Variants in PITHD1 observed in about 807,000 individuals in gnomAD.
PITHD1 encodes the protein PITH domain containing 1.
Under a neutral mutation model 27.5 loss-of-function variants are expected in PITHD1, and 8 were observed. The ratio of observed to expected loss-of-function variants is 0.29; its 90% CI spans 0.17 to 0.52. PITHD1 has a LOEUF of 0.52. PITHD1 is among the 20% of genes least tolerant of loss of function. The pLI, the probability that PITHD1 is intolerant of heterozygous loss-of-function variation, is 0.96. For missense variants in PITHD1, 233 were observed against 283.9 expected, an observed-to-expected ratio of 0.82 and a Z score of 1.29; for synonymous variants, 118 against 106.8, an observed-to-expected ratio of 1.10 and a Z score of -0.64.
intron 3 of PITHD1, among the ~76,000 whole-genome samples, chr1:23,783,413 A>G (rs1030833281): frequency 7.2e-6 from 1 of 138,280 alleles, no homozygotes; most frequent in Admixed American, 7.6e-5. Context: ...ATATACACAT[A>G]TATATGCGTA....
intron 3 of PITHD1, among the ~76,000 whole-genome samples, chr1:23,781,605 C>CT (rs1377811229): frequency 1.3e-5 from 2 of 152,034 alleles, no homozygotes; most frequent in African/African-American, 4.8e-5. Flanking sequence ...ACCTTTGATG[C>CT]TTTTGGAGAC....
chr1:23,783,350 T>TATATGTGTATATATACAC (rs1638633233), intron 3 of PITHD1, among the ~76,000 whole-genome samples: 1 of 149,224 alleles, frequency 6.7e-6, no homozygotes, highest in African/African-American at 2.5e-5. Flanking sequence ...TATATATACA[T>TATATGTGTATATATACAC]ATATACGCAT....
At chr1:23,784,388 C>T (rs1261776776) in intron 3 of PITHD1, among the ~76,000 whole-genome samples, 1 of 151,794 alleles carries the variant, frequency 6.6e-6, no homozygotes, top group South Asian at 2.1e-4. Context: ...CTACAGGCGC[C>T]TGCCACCACG....
intron 3 of PITHD1, 49 bp downstream of exon 3, chr1:23,779,990 T>A (rs1638572436): frequency 8.7e-7 from 1 of 1,150,054 alleles, no homozygotes; most frequent in Admixed American, 1.7e-5. Flanking sequence ...ATTCTCTTTT[T>A]CTGGTAACAT....
At position 23,788,091 on chromosome 1, in the gene PITHD1, C is replaced by T. The variant is rs764372773; in HGVS notation, c.*715C>T. The T allele has an allele frequency of 6.6e-6, 1 of 152,098 alleles. No individual in the cohort carries two copies. The highest frequency in any genetic ancestry group is 1.5e-5 in the Non-Finnish European group (1 of 68,030). The allele number at this position is 152,098 out of a possible 1,614,324, so 9.4% of individuals were successfully genotyped here. A position where few individuals can be genotyped will look rare whatever the true frequency, so the allele number is the denominator to read the frequency against. ...TAAGATTGAGACTTAGTTAAGATTC[C>T]CCTTGGAAATTCCTTAATGTTTATT... is the stretch of plus-strand genomic sequence containing the variant. On this transcript the variant is annotated 3_prime_UTR_variant, in exon 6 of 6. Transcript: ENST00000246151.
intron 1 of PITHD1, among the ~76,000 whole-genome samples, chr1:23,779,000 C>T (rs1638554919): frequency 6.6e-6 from 1 of 152,110 alleles, no homozygotes; most frequent in Non-Finnish European, 1.5e-5. Context: ...GGCCGTTGGA[C>T]CATTGGTGCT....
At position 23,787,311 on chromosome 1, in the gene PITHD1, G is replaced by C. The variant is rs15778; in HGVS notation, c.571G>C (p.Ala191Pro). 1 of 1,613,736 alleles carries C rather than the reference G, an allele frequency of 6.2e-7. No homozygotes were observed. The highest frequency in any genetic ancestry group is 2.2e-5 in the East Asian group (1 of 44,886). Reference sequence around the variant, plus strand: ...CGAGGTGACCATCTGCAATTACGAAGCATCTGCCAACCCAGCAGACCATAG... The same window carrying C: ...CGAGGTGACCATCTGCAATTACGAACCATCTGCCAACCCAGCAGACCATAG... ...RHEVTICNYE[A>P]SANPADHRVH... The change falls in exon 6 of 6, where the codon GCA becomes CCA. Residue 191 changes from alanine (A) to proline (P), a missense_variant. Coordinates refer to ENST00000246151, the MANE Select transcript of PITHD1 (RefSeq NM_020362.5).
intron 5 of PITHD1, 101 bp from the exon 6 acceptor site, chr1:23,787,174 C>G (rs1305746379): frequency 1.5e-6 from 1 of 684,428 alleles, no homozygotes; most frequent in Admixed American, 2.4e-5. Flanking sequence ...TAAATGATGA[C>G]TCCTAGAAAT....
Position 23,778,558 on chromosome 1 carries a change from G to C in PITHD1, c.43G>C (p.Ala15Pro). The C allele has an allele frequency of 8.9e-6, 12 of 1,340,832 alleles. No homozygotes were observed. The highest frequency in any genetic ancestry group is 1.0e-5 in the Non-Finnish European group (11 of 1,050,556). The allele number at this position is 1,340,832 out of a possible 1,614,324, so 83.1% of individuals were successfully genotyped here. ...CCACGGCGGGGGTGGCTGCCGCTGC[G>C]CCGCCGAACGGGAGGAGCCGCCCGA... ...HSHGGGGCRC[A>P]AEREEPPEQR... The change falls in exon 1 of 6, where the codon GCC becomes CCC. Residue 15 changes from alanine (A) to proline (P), a missense_variant. Physicochemically the swap from Ala to Pro is conservative, Grantham distance 27. Transcript: ENST00000246151.
chr1:23,778,733 GGGCGGGCGGGGCAGGGTGCGTGT>G lies in PITHD1; in HGVS notation c.198+23_198+45del, dbSNP rs747967493. 3.2e-6 allele frequency: 4 copies of G among 1,260,224 alleles called. No homozygotes were observed. The highest frequency in any genetic ancestry group is 4.0e-6 in the Non-Finnish European group (4 of 999,180). The allele number at this position is 1,260,224 out of a possible 1,614,324, so 78.1% of individuals were successfully genotyped here. A position where few individuals can be genotyped will look rare whatever the true frequency, so the allele number is the denominator to read the frequency against. On this transcript the variant is annotated intron_variant, in intron 1 of 5. Transcript: ENST00000246151. ...TCCAAGGTGGGCCGCCTGGGGCTTG[GGGCGGGCGGGGCAGGGTGCGTGT>G]GGGGCCTCGGGCCGTCGGTCTACTC...
At position 23,786,307 on chromosome 1, in the gene PITHD1, T is replaced by A; in HGVS notation, c.426-8T>A. 7.8e-7 allele frequency: 1 copy of A among 1,289,340 alleles called. No individual in the cohort carries two copies. The highest frequency in any genetic ancestry group is 1.5e-5 in the African/African-American group (1 of 68,890). 79.9% of individuals were successfully genotyped at this position (1,289,340 alleles called of 1,614,324 possible). ...ATACCTTCTTTCCCTATTCCTGTCA[T>A]CCTCTAGAATTTCTCGTTTTTCAAA... On this transcript the variant is annotated splice_region_variant and splice_polypyrimidine_tract_variant and intron_variant, in intron 4 of 5. Transcript: ENST00000246151.
At position 23,787,965 on chromosome 1, in the gene PITHD1, G is replaced by A. The variant is rs1261573872; in HGVS notation, c.*589G>A. 4 of 152,276 alleles carry A rather than the reference G, an allele frequency of 2.6e-5. No homozygotes were observed. Among genetic ancestry groups the A allele is most frequent in the South Asian group, 2.1e-4 (1 of 4,830 alleles). The allele number at this position is 152,276 out of a possible 1,614,324, so 9.4% of individuals were successfully genotyped here. On this transcript the variant is annotated 3_prime_UTR_variant, in exon 6 of 6. Transcript: ENST00000246151. ...AAGGACAGGAGTCTCCTGCTGATGC[G>A]TGATAGCTTAAGCTTGGGGAGAAGG...
Position 23,778,638 on chromosome 1 carries a change from A to T in PITHD1, c.123A>T (p.Gln41His). 7.5e-7 allele frequency: 1 copy of T among 1,335,870 alleles called. No homozygotes were observed. Among genetic ancestry groups the T allele is most frequent in the East Asian group, 3.0e-5 (1 of 33,196 alleles). 82.8% of individuals were successfully genotyped at this position (1,335,870 alleles called of 1,614,324 possible). The change falls in exon 1 of 6, where the codon CAA becomes CAT. Residue 41 changes from glutamine (Q) to histidine (H), a missense_variant. Coordinates refer to ENST00000246151, the MANE Select transcript of PITHD1 (RefSeq NM_020362.5). The stretch of plus-strand genomic sequence containing the variant: ...TGCGCATCGACCTGGAGCGGCTGCA[A>T]TGCCTTAACGAGAGCCGCGAGGGCA... ...LYLRIDLERL[Q>H]CLNESREGSG...
In PITHD1 at chr1:23,787,270, T is replaced by C. The variant is rs1638699339; in HGVS notation, c.535-5T>C. On this transcript the variant is annotated splice_polypyrimidine_tract_variant and splice_region_variant and intron_variant, in intron 5 of 5. Transcript: ENST00000246151. ...CTGGCTGACCCAGCCTCAATTTTCT[T>C]GCAGCTTCGCCGACACGAGGTGACC... 1 of 1,611,858 alleles carries C rather than the reference T, an allele frequency of 6.2e-7. No individual in the cohort carries two copies. The highest frequency in any genetic ancestry group is 2.2e-5 in the East Asian group (1 of 44,876).
At chr1:23,783,430 CGTGTGTGTGT>C (rs35540755) in intron 3 of PITHD1, among the ~76,000 whole-genome samples, 40 of 134,418 alleles carry the variant, frequency 3.0e-4, no homozygotes, top group Admixed American at 1.7e-3. Context: ...CGTATATATA[CGTGTGTGTGT>C]GTGTGTGTGT....
chr1:23,783,036 G>T (rs1334445842), intron 3 of PITHD1, among the ~76,000 whole-genome samples: 1 of 151,264 alleles, frequency 6.6e-6, no homozygotes, highest in African/African-American at 2.4e-5. Context: ...TCACTGTGTC[G>T]CCCAGGCTGG....
Position 23,778,454 on chromosome 1 carries a change from G to GAGA in PITHD1, c.-62_-61insAGA. ...CTGAACGGCGCGGAGCTGGTCTGAG[G>GAGA]CGAGCCGAGCCGAGCGAGCGCGGCG... On this transcript the variant is annotated 5_prime_UTR_variant, in exon 1 of 6. Coordinates refer to ENST00000246151, the MANE Select transcript of PITHD1 (RefSeq NM_020362.5). 8.2e-7 allele frequency: 1 copy of GAGA among 1,220,610 alleles called. No homozygotes were observed. Among genetic ancestry groups the GAGA allele is most frequent in the African/African-American group, 1.6e-5 (1 of 62,682 alleles). 75.6% of individuals were successfully genotyped at this position (1,220,610 alleles called of 1,614,324 possible). A position where few individuals can be genotyped will look rare whatever the true frequency, so the allele number is the denominator to read the frequency against.
intron 3 of PITHD1, among the ~76,000 whole-genome samples, chr1:23,781,453 ACT>A (rs1227082455): frequency 3.8e-5 from 5 of 130,170 alleles, no homozygotes; most frequent in African/African-American, 1.5e-4. Context: ...ACAGAGTGAG[ACT>A]CTGTCTCAAA....
Position 23,786,305 on chromosome 1 carries a change from C to T in PITHD1, c.426-10C>T, listed in dbSNP as rs1170430259. 5.5e-6 allele frequency: 7 copies of T among 1,264,874 alleles called. No homozygotes were observed. Among genetic ancestry groups the T allele is most frequent in the Non-Finnish European group, 8.0e-6 (7 of 869,944 alleles). 78.4% of individuals were successfully genotyped at this position (1,264,874 alleles called of 1,614,324 possible). ...TCATACCTTCTTTCCCTATTCCTGT[C>T]ATCCTCTAGAATTTCTCGTTTTTCA... On this transcript the variant is annotated splice_polypyrimidine_tract_variant and intron_variant, in intron 4 of 5. Coordinates refer to ENST00000246151, the MANE Select transcript of PITHD1 (RefSeq NM_020362.5).
Sources: allele counts gnomAD v4.1 joint callset (sites outside exome capture counted in the v4.1 genomes callset), GRCh38; gene constraint gnomAD v4.1.1; transcripts MANE v1.5; gene names NCBI Gene and HGNC (gene_info 2026-07-23, HGNC 2026-07-21).